Variants in CCNF observed in about 807,000 individuals in gnomAD.
CCNF encodes the protein cyclin F.
Under a neutral mutation model 85.4 loss-of-function variants are expected in CCNF, and 30 were observed. The observed-to-expected ratio is 0.35, with a 90% CI of 0.26 to 0.48. The LOEUF (loss-of-function observed/expected upper bound fraction) is 0.48, where lower values mean the gene tolerates loss of function less well. Among genes scored for constraint, CCNF ranks in the 20% least tolerant of loss-of-function variants. The pLI is 0.99. For missense variants in CCNF, 919 were observed against 1,010.4 expected (o/e 0.91, Z 1.23); for synonymous variants, 439 against 425.1 (o/e 1.03, Z -0.40).
At chr16:2,449,960 A>T in intron 13 of CCNF, 45 bp downstream of exon 13, 1 of 1,377,074 alleles carries the variant, frequency 7.3e-7, no homozygotes, top group Non-Finnish European at 1.0e-6. Context: ...TAACCCCAGC[A>T]CTTTGGGAGG....
chr16:2,455,638 C>G, intron 16 of CCNF, 74 bp downstream of exon 16: 1 of 1,498,990 alleles, frequency 6.7e-7, no homozygotes, highest in Non-Finnish European at 9.0e-7. Flanking sequence ...CTCTGGGCAC[C>G]CGGCCCTGTG....
chr16:2,450,164 G>A (rs964088842), intron 13 of CCNF, among the ~76,000 whole-genome samples: 1 of 150,986 alleles, frequency 6.6e-6, no homozygotes, highest in East Asian at 2.0e-4. Context: ...TTGATATCAC[G>A]TCACTGGACT....
Position 2,457,053 on chromosome 16 carries a change from A to G in CCNF, c.*33A>G, listed in dbSNP as rs189703997. On this transcript the variant is annotated 3_prime_UTR_variant, in exon 17 of 17. Transcript: ENST00000397066. ...AGCACATTTGCCGCAGTGGATGTGT[A>G]CTGAGGGGGCTGGAGGCGAAGGGTG... 7.5e-4 allele frequency: 1,115 copies of G among 1,492,302 alleles called. 9 individuals are homozygous for G. In the African/African-American group the frequency reaches 0.013, roughly 17 times the overall value. 92.4% of individuals were successfully genotyped at this position (1,492,302 alleles called of 1,614,324 possible).
At chr16:2,429,658 C>A (rs2065252815) in intron 1 of CCNF, among the ~76,000 whole-genome samples, 161 bp downstream of exon 1, 1 of 152,124 alleles carries the variant, frequency 6.6e-6, no homozygotes, top group African/African-American at 2.4e-5. Context: ...CGCAGGGAGC[C>A]CCGGCGGCCG....
chr16:2,431,161 T>C lies in CCNF; in HGVS notation c.48T>C (p.Cys16=). The change falls in exon 2 of 17, where the codon TGT becomes TGC. Residue 16 remains cysteine (C), a synonymous_variant. Coordinates refer to ENST00000397066, the MANE Select transcript of CCNF (RefSeq NM_001761.3). The part of the protein sequence containing the change: ...VVHCRCAKCF[C]YPTKRRIRRR... ...ACTGTAGGTGTGCCAAGTGTTTCTGTTATCCTACAAAGCGAAGAATAAGGA... is the reference window on the plus strand; with the variant it reads ...ACTGTAGGTGTGCCAAGTGTTTCTGCTATCCTACAAAGCGAAGAATAAGGA... The C allele has an allele frequency of 6.2e-7, 1 of 1,614,110 alleles. No individual in the cohort carries two copies. The highest frequency in any genetic ancestry group is 8.5e-7 in the Non-Finnish European group (1 of 1,180,012).
intron 1 of CCNF, 41 bp downstream of exon 1, chr16:2,429,538 C>G: frequency 8.1e-7 from 1 of 1,228,380 alleles, no homozygotes; most frequent in Non-Finnish European, 1.0e-6. Context: ...GCCCCACACC[C>G]CTTCTGCCTG....
intron 9 of CCNF, among the ~76,000 whole-genome samples, chr16:2,444,900 CT>C (rs35090353): frequency 0.74 from 103,598 of 140,766 alleles, 38,412 homozygotes; most frequent in African/African-American, 0.89. Context: ...CATTGAACAT[CT>C]TTTTTTTTTT....
intron 13 of CCNF, among the ~76,000 whole-genome samples, chr16:2,450,961 G>A (rs1000475127): frequency 2.6e-5 from 4 of 152,160 alleles, no homozygotes; most frequent in South Asian, 2.1e-4. Context: ...TTGCGCCGTC[G>A]TGCCCGGATG....
At position 2,456,632 on chromosome 16, in the gene CCNF, C is replaced by T. The variant is rs917649128; in HGVS notation, c.1973C>T (p.Ala658Val). 23 of 1,611,704 alleles carry T rather than the reference C, an allele frequency of 1.4e-5. No homozygotes were observed. The highest frequency in any genetic ancestry group is 1.7e-4 in the Middle Eastern group (1 of 6,050). Residue 658 changes from alanine (A) to valine (V), a missense_variant, in exon 17 of 17, where the codon GCT (alanine) becomes GTT (valine). This residue lies in a region of CCNF where 505 missense variants were observed against 514.8 expected (regional missense o/e 0.98). Transcript: ENST00000397066. The surrounding 1 kb of genome is among the most constrained non-coding windows in gnomAD (Gnocchi z 4.5). ...HCCQESSDEE[A>V]CPEDKGPQDP... is the part of the protein sequence containing the mutation. ...TGCCAGGAATCCAGTGATGAGGAGGCTTGTCCAGAGGACAAGGGACCCCAG... is the reference window on the plus strand; with the variant it reads ...TGCCAGGAATCCAGTGATGAGGAGGTTTGTCCAGAGGACAAGGGACCCCAG...
chr16:2,445,249 G>A (rs1021601318), intron 9 of CCNF: 63 of 576,230 alleles, frequency 1.1e-4, no homozygotes, highest in African/African-American at 7.5e-4. Flanking sequence ...GAACACAGTC[G>A]AAGGATGTGG....
At chr16:2,439,579 G>A in intron 7 of CCNF, 122 bp downstream of exon 7, 2 of 911,440 alleles carry the variant, frequency 2.2e-6, no homozygotes, top group South Asian at 3.0e-5. Context: ...CGGTCTCTCA[G>A]CCTCCGGGAA....
rs1312788626 is a variant in CCNF, at chr16:2,434,000, A to G, written c.278+933A>G. ...TGAGACATTATCCACACATCACACA[A>G]TTCATCCATTTAAAGTGTATAACTC... On this transcript the variant is annotated intron_variant, in intron 3 of 16. Coordinates refer to ENST00000397066, the MANE Select transcript of CCNF (RefSeq NM_001761.3). Among the ~76,000 whole-genome samples, 8 of 152,290 alleles carry G rather than the reference A, an allele frequency of 5.3e-5. No homozygotes were observed. The South Asian group carries it at 8.3e-4, about 16-fold the overall frequency.
At position 2,456,307 on chromosome 16, in the gene CCNF, C is replaced by A; in HGVS notation, c.1886-238C>A. 2.2e-6 allele frequency: 1 copy of A among 463,254 alleles called. No individual in the cohort carries two copies. Among genetic ancestry groups the A allele is most frequent in the South Asian group, 4.4e-5 (1 of 22,762 alleles). The allele number at this position is 463,254 out of a possible 1,614,324, so 28.7% of individuals were successfully genotyped here. On this transcript the variant is annotated intron_variant, in intron 16 of 16. Coordinates refer to ENST00000397066, the MANE Select transcript of CCNF (RefSeq NM_001761.3). This position sits in a 1 kb window ranked among gnomAD's most constrained non-coding sequence, Gnocchi z 4.5. Reference sequence around the variant, plus strand: ...GTTTCCCGGTTGCTTGCTTCTGCGTCCACTTGGCTTGAGCTAGATGGCCAA... The same window carrying A: ...GTTTCCCGGTTGCTTGCTTCTGCGTACACTTGGCTTGAGCTAGATGGCCAA...
Position 2,456,845 on chromosome 16 carries a change from C to T in CCNF, c.2186C>T (p.Ser729Phe). Residue 729 changes from serine (S) to phenylalanine (F), a missense_variant, in exon 17 of 17, where the codon TCC (serine) becomes TTC (phenylalanine). By Grantham distance (155) the Ser-to-Phe change is radical. Coordinates refer to ENST00000397066, the MANE Select transcript of CCNF (RefSeq NM_001761.3). This position sits in a 1 kb window ranked among gnomAD's most constrained non-coding sequence, Gnocchi z 4.5. ...CTGCCCCAACCTACCTCAGTGCTGT[C>T]CCTGGACAGTGACTCGCACACACAG... is the stretch of plus-strand genomic sequence containing the variant. ...GALPQPTSVL[S>F]LDSDSHTQPC... The T allele has an allele frequency of 6.2e-7, 1 of 1,614,056 alleles. No individual in the cohort carries two copies. The highest frequency in any genetic ancestry group is 2.2e-5 in the East Asian group (1 of 44,884).
chr16:2,443,947 T>C, intron 9 of CCNF, 147 bp downstream of exon 9: 6 of 640,442 alleles, frequency 9.4e-6, no homozygotes, highest in Non-Finnish European at 1.5e-5. Context: ...TGAAGTGGAG[T>C]CTCGCTCTGT....
At chr16:2,446,531 A>G (rs778846449) in intron 10 of CCNF, among the ~76,000 whole-genome samples, 2 of 152,240 alleles carry the variant, frequency 1.3e-5, no homozygotes, top group African/African-American at 2.4e-5. Context: ...TAACGTGGAA[A>G]TGATTCTCAC....
Position 2,431,115 on chromosome 16 carries a change from C to CT in CCNF, c.17-8dup. On this transcript the variant is annotated splice_polypyrimidine_tract_variant and intron_variant, in intron 1 of 16. Coordinates refer to ENST00000397066, the MANE Select transcript of CCNF (RefSeq NM_001761.3). ...TTTTTCATCTTATCAAGGCTTCTGT[C>CT]TTTTTTTCCTTCAGTGGTCCACTGT... 1 of 1,612,226 alleles carries CT rather than the reference C, an allele frequency of 6.2e-7. No homozygotes were observed.
rs2065251431 is a variant in CCNF at position 2,429,457 on chromosome 16, C to T, written c.-25C>T. ...CGCGGGCGCGCTCTCAGGCGGGCTC[C>T]GGCGGCAGCGACGCGAGCGCGGCGA... is the stretch of plus-strand genomic sequence containing the variant. On this transcript the variant is annotated 5_prime_UTR_variant, in exon 1 of 17. Coordinates refer to ENST00000397066, the MANE Select transcript of CCNF (RefSeq NM_001761.3). The T allele has an allele frequency of 8.2e-7, 1 of 1,221,510 alleles. No individual in the cohort carries two copies. Among genetic ancestry groups the T allele is most frequent in the South Asian group, 4.1e-5 (1 of 24,306 alleles). 75.7% of individuals were successfully genotyped at this position (1,221,510 alleles called of 1,614,324 possible).
intron 13 of CCNF, among the ~76,000 whole-genome samples, chr16:2,450,181 T>C (rs990301112): frequency 7.5e-5 from 11 of 147,646 alleles, no homozygotes; most frequent in Middle Eastern, 3.8e-3. Flanking sequence ...GACTCCAGCC[T>C]GGGTGACAGA....
Sources: gnomAD v4.1 joint callset for allele counts (sites outside exome capture counted in the v4.1 genomes callset) on GRCh38, gnomAD v4.1.1 for gene constraint, gnomAD v4.1.1 regional missense constraint, Gnocchi (gnomAD v3.1) non-coding constraint, MANE v1.5 for transcripts, NCBI Gene and HGNC (gene_info 2026-07-23, HGNC 2026-07-21) for gene names.